IL1RAPL2: variants seen among roughly 807,000 people sequenced by gnomAD.
IL1RAPL2 encodes X-linked interleukin-1 receptor accessory protein-like 2.
In IL1RAPL2, 3 loss-of-function variants were observed where a neutral mutation model predicts 44.1. The ratio of observed to expected loss-of-function variants is 0.07; its 90% CI spans 0.03 to 0.18. IL1RAPL2 has a LOEUF of 0.18. Among genes scored for constraint, IL1RAPL2 ranks in the 10% least tolerant of loss-of-function variants. The pLI is 1.00. For synonymous variants in IL1RAPL2, 181 were observed against 178.8 expected, an observed-to-expected ratio of 1.01 and a Z score of -0.10; for missense variants, 391 against 496.4, an observed-to-expected ratio of 0.79 and a Z score of 2.02.
chrX:105,031,958 G>A (rs1265494908), intron 2 of IL1RAPL2, among the ~76,000 whole-genome samples: 2 of 111,202 alleles, frequency 1.8e-5, no homozygotes, highest in Non-Finnish European at 3.8e-5. Flanking sequence ...GACTTGGGAG[G>A]GTGTATGTGT....
intron 2 of IL1RAPL2, among the ~76,000 whole-genome samples, chrX:104,714,406 C>T (rs781148316): frequency 9.0e-6 from 1 of 110,825 alleles, no homozygotes; most frequent in East Asian, 2.9e-4. Flanking sequence ...GCAGTTTCCC[C>T]TATGCTGTTC....
At chrX:105,215,368 G>T (rs1467118979) in intron 3 of IL1RAPL2, among the ~76,000 whole-genome samples, 1 of 111,637 alleles carries the variant, frequency 9.0e-6, no homozygotes, top group Admixed American at 9.5e-5. Context: ...AGAAGAAATG[G>T]ATAAATTCCT....
At chrX:105,153,156 TTCTTC>T (rs1440479950) in intron 2 of IL1RAPL2, among the ~76,000 whole-genome samples, 4 of 112,432 alleles carry the variant, frequency 3.6e-5, no homozygotes, top group African/African-American at 1.3e-4. Flanking sequence ...CTTTGAATAG[TTCTTC>T]CAACTTGGAG....
At chrX:105,264,755 A>C (rs1419458640) in intron 4 of IL1RAPL2, among the ~76,000 whole-genome samples, 1 of 112,116 alleles carries the variant, frequency 8.9e-6, no homozygotes, top group Non-Finnish European at 1.9e-5. Flanking sequence ...AATTTGCTGA[A>C]GATGACAGAA....
chrX:105,710,065 T>C (rs1357192730), intron 6 of IL1RAPL2, among the ~76,000 whole-genome samples: 1 of 111,665 alleles, frequency 9.0e-6, no homozygotes, highest in Non-Finnish European at 1.9e-5. Context: ...CATCTTACTT[T>C]GAGGTCTGCT....
chrX:105,003,923 A>G (rs2030896744), intron 2 of IL1RAPL2, among the ~76,000 whole-genome samples: 1 of 111,249 alleles, frequency 9.0e-6, no homozygotes, highest in South Asian at 3.7e-4. Context: ...CATTCTCAGA[A>G]CTTTGCAAAT....
intron 2 of IL1RAPL2, among the ~76,000 whole-genome samples, chrX:104,671,600 G>A (rs1003513163): frequency 2.7e-5 from 3 of 111,469 alleles, no homozygotes; most frequent in South Asian, 3.7e-4. Flanking sequence ...TTATTTGTAC[G>A]TCTGTCTTTT....
intron 2 of IL1RAPL2, among the ~76,000 whole-genome samples, chrX:104,980,867 A>G (rs1021469981): frequency 9.0e-5 from 10 of 111,460 alleles, no homozygotes; most frequent in African/African-American, 2.3e-4. Context: ...TGGTAGTTTC[A>G]TAGGAATAGC....
chrX:105,659,101 G>T (rs748369462), intron 6 of IL1RAPL2, among the ~76,000 whole-genome samples: 3 of 110,198 alleles, frequency 2.7e-5, no homozygotes, highest in Non-Finnish European at 3.8e-5. Flanking sequence ...TGCTCCAGCC[G>T]GGGCAACAGA....
chrX:104,579,881 C>G (rs1017863372), intron 1 of IL1RAPL2, among the ~76,000 whole-genome samples: 2 of 111,019 alleles, frequency 1.8e-5, no homozygotes, highest in Non-Finnish European at 3.8e-5. Context: ...ATGTCAAAAT[C>G]TATTTTAACC....
intron 6 of IL1RAPL2, among the ~76,000 whole-genome samples, chrX:105,574,658 A>G (rs1209979520): frequency 8.9e-6 from 1 of 112,090 alleles, no homozygotes; most frequent in African/African-American, 3.2e-5. Context: ...GGGAAGCTAG[A>G]TAGCAAGTGG....
chrX:104,766,368 G>GGCCTGCTTGCCT (rs780039779), intron 2 of IL1RAPL2, among the ~76,000 whole-genome samples: 1 of 60,255 alleles, frequency 1.7e-5, no homozygotes, highest in Non-Finnish European at 4.0e-5. Flanking sequence ...ATTCCTGGCT[G>GGCCTGCTTGCCT]GCCTGCCTGC....
At chrX:105,564,194 C>T (rs961903414) in intron 6 of IL1RAPL2, among the ~76,000 whole-genome samples, 7 of 111,364 alleles carry the variant, frequency 6.3e-5, no homozygotes, top group African/African-American at 1.3e-4. Context: ...GGCTCCTCCT[C>T]TTAATACTAT....
At chrX:105,638,202 A>G (rs2037538542) in intron 6 of IL1RAPL2, among the ~76,000 whole-genome samples, 1 of 112,058 alleles carries the variant, frequency 8.9e-6, no homozygotes, top group Non-Finnish European at 1.9e-5. Context: ...TCATATAGCT[A>G]CAACATTGAG....
At chrX:105,670,323 C>T (rs1319303010) in intron 6 of IL1RAPL2, among the ~76,000 whole-genome samples, 7 of 94,364 alleles carry the variant, frequency 7.4e-5, no homozygotes, top group South Asian at 5.1e-4. Context: ...TTTTTTGAGA[C>T]GGAGTCTCGC....
intron 2 of IL1RAPL2, among the ~76,000 whole-genome samples, chrX:104,707,356 A>G (rs764164797): frequency 8.9e-6 from 1 of 111,797 alleles, no homozygotes; most frequent in East Asian, 2.8e-4. Context: ...GATAGTTTTT[A>G]ATATTCACCA....
intron 2 of IL1RAPL2, among the ~76,000 whole-genome samples, chrX:105,142,253 GACTTT>G (rs1194878262): frequency 8.9e-6 from 1 of 111,945 alleles, no homozygotes; most frequent in Non-Finnish European, 1.9e-5. Flanking sequence ...CTTTGAAGGG[GACTTT>G]ACAGTAAAGT....
At chrX:105,690,600 G>A (rs748580845) in intron 6 of IL1RAPL2, among the ~76,000 whole-genome samples, 4 of 111,823 alleles carry the variant, frequency 3.6e-5, no homozygotes, top group Admixed American at 1.9e-4. Context: ...ATGTGAACTC[G>A]AATTCTTAAA....
At chrX:105,318,062 T>C (rs1375536589) in intron 5 of IL1RAPL2, among the ~76,000 whole-genome samples, 2 of 107,217 alleles carry the variant, frequency 1.9e-5, no homozygotes, top group African/African-American at 3.4e-5. Context: ...AAGCTCCGCC[T>C]CCCGGGTTCA....
Sources: allele counts gnomAD v4.1 joint callset (sites outside exome capture counted in the v4.1 genomes callset), GRCh38; gene constraint gnomAD v4.1.1; transcripts MANE v1.5; gene names NCBI Gene and HGNC (gene_info 2026-07-23, HGNC 2026-07-21).